FCHSD2: variants seen among roughly 807,000 people sequenced by gnomAD.
FCHSD2 encodes FCH and double SH3 domains 2, also known as F-BAR and double SH3 domains protein 2.
FCHSD2 carries 38 observed loss-of-function variants against 108.1 expected under a neutral mutation model. That is an observed-to-expected ratio of 0.35 (90% CI 0.27 to 0.46). The LOEUF (loss-of-function observed/expected upper bound fraction) is 0.46, where lower values mean the gene tolerates loss of function less well. FCHSD2 is among the 20% of genes least tolerant of loss of function. The pLI is 1.00. For missense variants in FCHSD2, 751 were observed against 897.8 expected, an observed-to-expected ratio of 0.84 and a Z score of 2.09; for synonymous variants, 279 against 314.7, an observed-to-expected ratio of 0.89 and a Z score of 1.20.
intron 3 of FCHSD2, among the ~76,000 whole-genome samples, chr11:73,068,489 TA>T (rs984964007): frequency 3.9e-5 from 6 of 151,916 alleles, no homozygotes; most frequent in African/African-American, 1.2e-4. Flanking sequence ...ACATCTTGCA[TA>T]TATACTCCTG....
chr11:72,970,520 C>A (rs1856988289), intron 8 of FCHSD2, among the ~76,000 whole-genome samples: 1 of 152,136 alleles, frequency 6.6e-6, no homozygotes, highest in African/African-American at 2.4e-5. Context: ...AGAATTCTTT[C>A]CTCAAGGTCA....
In FCHSD2 at chr11:72,853,209, A is replaced by G. The variant is rs150332516; in HGVS notation, c.1309-3320T>C. Among the ~76,000 whole-genome samples the G allele has an allele frequency of 1.4e-3, 214 of 152,294 alleles. 3 individuals are homozygous for G. In the East Asian group the frequency reaches 0.031, roughly 22 times the overall value. On this transcript the variant is annotated intron_variant, in intron 13 of 19. Coordinates refer to ENST00000409418, the MANE Select transcript of FCHSD2 (RefSeq NM_014824.3). The stretch of plus-strand genomic sequence containing the variant: ...AAACCTTCACATACATGATTAAATG[A>G]TTTTCAACAAGGATGCCAAGACCAC...
chr11:72,976,417 G>T (rs1245508774), intron 8 of FCHSD2, among the ~76,000 whole-genome samples: 2 of 151,948 alleles, frequency 1.3e-5, no homozygotes, highest in Non-Finnish European at 2.9e-5. Context: ...TCAGCCTCCT[G>T]AGTAGCTGGG....
intron 8 of FCHSD2, among the ~76,000 whole-genome samples, chr11:72,944,748 T>C (rs943325563): frequency 1.2e-4 from 18 of 152,108 alleles, no homozygotes; most frequent in African/African-American, 2.2e-4. Context: ...CATTCTTATA[T>C]ACCAATAACA....
intron 4 of FCHSD2, among the ~76,000 whole-genome samples, chr11:73,005,467 T>C (rs1385687727): frequency 1.3e-5 from 2 of 152,128 alleles, no homozygotes; most frequent in Non-Finnish European, 2.9e-5. Context: ...TTCCAGGACA[T>C]CACTCTCCCT....
intron 8 of FCHSD2, among the ~76,000 whole-genome samples, chr11:72,939,814 T>C (rs1856379414): frequency 6.6e-6 from 1 of 151,656 alleles, no homozygotes; most frequent in Admixed American, 6.6e-5. Context: ...AGATGGGGTT[T>C]CACCATGTTT....
intron 8 of FCHSD2, among the ~76,000 whole-genome samples, chr11:72,959,360 G>A (rs1197351634): frequency 6.7e-6 from 1 of 149,040 alleles, no homozygotes; most frequent in African/African-American, 2.5e-5. Flanking sequence ...CTCCCGAGTA[G>A]CTGGGACTAC....
chr11:73,067,141 A>G (rs1398799635), intron 3 of FCHSD2, among the ~76,000 whole-genome samples: 1 of 152,226 alleles, frequency 6.6e-6, no homozygotes, highest in Non-Finnish European at 1.5e-5. Flanking sequence ...ACACCATGGA[A>G]TACCATGCAG....
intron 2 of FCHSD2, among the ~76,000 whole-genome samples, chr11:73,103,186 T>C (rs1462355841): frequency 6.6e-6 from 1 of 151,790 alleles, no homozygotes; most frequent in Non-Finnish European, 1.5e-5. Flanking sequence ...CAACTACATA[T>C]AATTACTAAA....
intron 10 of FCHSD2, among the ~76,000 whole-genome samples, chr11:72,893,819 T>C (rs1855367446): frequency 6.6e-6 from 1 of 152,188 alleles, no homozygotes; most frequent in African/African-American, 2.4e-5. Flanking sequence ...TTCATAAAGT[T>C]ATTAAATAAC....
chr11:73,111,310 T>C (rs894098223), intron 2 of FCHSD2, among the ~76,000 whole-genome samples: 5 of 152,244 alleles, frequency 3.3e-5, no homozygotes, highest in African/African-American at 1.2e-4. Context: ...TGGGTACATA[T>C]ATATTTACAA....
chr11:72,950,747 C>T (rs942541960), intron 8 of FCHSD2, among the ~76,000 whole-genome samples: 1 of 152,222 alleles, frequency 6.6e-6, no homozygotes, highest in East Asian at 1.9e-4. Context: ...TTAACTCCCA[C>T]ATTATCATTT....
At chr11:73,039,124 G>A (rs1273618368) in intron 3 of FCHSD2, among the ~76,000 whole-genome samples, 9 of 152,198 alleles carry the variant, frequency 5.9e-5, no homozygotes, top group Non-Finnish European at 1.3e-4. Flanking sequence ...GAATATCCGT[G>A]TATTCCAAAT....
At chr11:72,923,705 GCT>G (rs1227927433) in intron 8 of FCHSD2, among the ~76,000 whole-genome samples, 3 of 152,138 alleles carry the variant, frequency 2.0e-5, no homozygotes, top group African/African-American at 7.2e-5. Context: ...ACTTTGAGAG[GCT>G]GAGGTGGGCG....
At chr11:73,058,987 T>C (rs1333019147) in intron 3 of FCHSD2, among the ~76,000 whole-genome samples, 1 of 152,126 alleles carries the variant, frequency 6.6e-6, no homozygotes, top group Non-Finnish European at 1.5e-5. Context: ...CTCTATAACA[T>C]AAGGTGAAAT....
At chr11:72,862,900 A>G (rs74236680) in intron 13 of FCHSD2, among the ~76,000 whole-genome samples, 2 of 152,264 alleles carry the variant, frequency 1.3e-5, no homozygotes, top group East Asian at 1.9e-4. Flanking sequence ...ACAGAACAAA[A>G]TGTCAAGAAA....
chr11:72,949,482 GA>G (rs1196329202), intron 8 of FCHSD2, among the ~76,000 whole-genome samples: 1 of 150,780 alleles, frequency 6.6e-6, no homozygotes, highest in African/African-American at 2.4e-5. Context: ...AGAAAGGAAA[GA>G]AAAAGAAAAG....
intron 4 of FCHSD2, among the ~76,000 whole-genome samples, chr11:73,003,295 C>T (rs1485915248): frequency 1.3e-5 from 2 of 152,142 alleles, no homozygotes; most frequent in African/African-American, 2.4e-5. Flanking sequence ...ACTTACCTCA[C>T]AGGGCTATTT....
chr11:72,985,791 G>A (rs1194649519), intron 6 of FCHSD2, among the ~76,000 whole-genome samples: 1 of 152,092 alleles, frequency 6.6e-6, no homozygotes, highest in Non-Finnish European at 1.5e-5. Flanking sequence ...ACAATAGGTA[G>A]TACAAACATG....
Sources: gnomAD v4.1 joint callset for allele counts (sites outside exome capture counted in the v4.1 genomes callset) on GRCh38, gnomAD v4.1.1 for gene constraint, MANE v1.5 for transcripts, NCBI Gene and HGNC (gene_info 2026-07-23, HGNC 2026-07-21) for gene names.